The following FBH1 variants were observed in gnomAD, a reference collection of about 807,000 sequenced individuals.
FBH1 encodes DNA 3'-5' helicase 1.
A neutral mutation model predicts 115.5 loss-of-function variants in FBH1; 43 were observed. The observed-to-expected ratio is 0.37, with a 90% CI of 0.29 to 0.48. The LOEUF (loss-of-function observed/expected upper bound fraction) is 0.48. Ranked by LOEUF, FBH1 falls within the 20% of genes least tolerant of loss-of-function variation. FBH1 has a pLI of 0.99. For synonymous variants in FBH1, 524 were observed against 507.8 expected (o/e 1.03, Z -0.43); for missense variants, 1,001 against 1,337.3 (o/e 0.75, Z 3.92).
Position 5,925,228 on chromosome 10 carries a change from CT to C in FBH1, c.2597-136del. The C allele has an allele frequency of 2.0e-6, 2 of 1,009,990 alleles. No individual in the cohort carries two copies. Among genetic ancestry groups the C allele is most frequent in the Non-Finnish European group, 2.9e-6 (2 of 694,516 alleles). The allele number at this position is 1,009,990 out of a possible 1,614,324, so 62.6% of individuals were successfully genotyped here. A position where few individuals can be genotyped will look rare whatever the true frequency, so the allele number is the denominator to read the frequency against. ...TGTCTGTTCCCGACAGTTGTTTCCT[CT>C]TTCCCCCTTTTCCTACAAAACTGCA... On this transcript the variant is annotated intron_variant, in intron 17 of 20. Coordinates refer to ENST00000362091, the MANE Select transcript of FBH1 (RefSeq NM_178150.3). The surrounding 1 kb of genome is among the most constrained non-coding windows in gnomAD (Gnocchi z 4.6).
rs1843105411 is a variant in FBH1 at position 5,897,876 on chromosome 10, A to G, written c.2-5144A>G. Among the ~76,000 whole-genome samples, 1 of 147,608 alleles carries G rather than the reference A, an allele frequency of 6.8e-6. No homozygotes were observed. On this transcript the variant is annotated intron_variant, in intron 1 of 20. Transcript: ENST00000362091. The surrounding 1 kb of genome is among the most constrained non-coding windows in gnomAD (Gnocchi z 4.7). ...CAACAAGCATTTTGGATTCAGACGT[A>G]TTTTCTGAGATAAATACATAAATAA...
At chr10:5,904,143 A>G (rs749017348) in intron 2 of FBH1, among the ~76,000 whole-genome samples, 5 of 151,430 alleles carry the variant, frequency 3.3e-5, no homozygotes, top group Non-Finnish European at 7.4e-5. Flanking sequence ...TCTGCCTCCC[A>G]GCTCAGCCTC....
At position 5,915,652 on chromosome 10, in the gene FBH1, G is replaced by A. The variant is rs1177153871; in HGVS notation, c.1565+81G>A. On this transcript the variant is annotated intron_variant, in intron 9 of 20. Transcript: ENST00000362091. The surrounding 1 kb of genome is among the most constrained non-coding windows in gnomAD (Gnocchi z 5.2). ...GTTTTCCCGTGACGATCACATGTGA[G>A]CTTACACCACAGTGACCCCGAGGAG... is the stretch of plus-strand genomic sequence containing the variant. 8 of 1,344,888 alleles carry A rather than the reference G, an allele frequency of 5.9e-6. No individual in the cohort carries two copies. In the East Asian group the frequency reaches 1.2e-4, roughly 20 times the overall value. 83.3% of individuals were successfully genotyped at this position (1,344,888 alleles called of 1,614,324 possible).
intron 1 of FBH1, among the ~76,000 whole-genome samples, chr10:5,898,719 A>G (rs897692488): frequency 6.6e-6 from 1 of 152,160 alleles, no homozygotes; most frequent in Non-Finnish European, 1.5e-5. Flanking sequence ...CCAGAGCCCC[A>G]CCACTTCATA....
At position 5,927,538 on chromosome 10, in the gene FBH1, T is replaced by C. The variant is rs747931669; in HGVS notation, c.2826T>C (p.Ala942=). Residue 942 remains alanine, a synonymous_variant, in exon 19 of 21, where the codon GCT becomes GCC. Coordinates refer to ENST00000362091, the MANE Select transcript of FBH1 (RefSeq NM_178150.3). The stretch of plus-strand genomic sequence containing the variant: ...CATTGGAAAACATTTTGACTTTGGC[T>C]GGGGTAAGCAGAACGGGCAGCATGA... ...TKSLENILTL[A]GEYFLQAELT... is the part of the protein sequence containing the mutation. The C allele has an allele frequency of 6.2e-7, 1 of 1,612,300 alleles. No homozygotes were observed. The highest frequency in any genetic ancestry group is 1.1e-5 in the South Asian group (1 of 90,596).
intron 1 of FBH1, among the ~76,000 whole-genome samples, chr10:5,899,634 G>A (rs1843219567): frequency 6.6e-6 from 1 of 152,158 alleles, no homozygotes; most frequent in Non-Finnish European, 1.5e-5. Context: ...TTGCTGCCCG[G>A]AGTCCTGCAG....
At chr10:5,902,201 G>C (rs1281499395) in intron 1 of FBH1, among the ~76,000 whole-genome samples, 2 of 151,970 alleles carry the variant, frequency 1.3e-5, no homozygotes, top group Non-Finnish European at 2.9e-5. Flanking sequence ...CAAGGGGCTC[G>C]GGGGGCTGAG....
Position 5,932,036 on chromosome 10 carries a change from A to G in FBH1, c.2830-4420A>G, listed in dbSNP as rs1340810170. The stretch of plus-strand genomic sequence containing the variant: ...GTGGTGCATACCTGTAGCCCCAGCT[A>G]CTTAGGAGGCTGAGGTGGGAGAATC... On this transcript the variant is annotated intron_variant, in intron 19 of 20. Transcript: ENST00000362091. The surrounding 1 kb of genome is among the most constrained non-coding windows in gnomAD (Gnocchi z 5.9). Among the ~76,000 whole-genome samples, 1 of 152,164 alleles carries G rather than the reference A, an allele frequency of 6.6e-6. No homozygotes were observed. Among genetic ancestry groups the G allele is most frequent in the Admixed American group, 6.5e-5 (1 of 15,280 alleles).
At position 5,903,239 on chromosome 10, in the gene FBH1, C is replaced by T; in HGVS notation, c.157+64C>T. ...AGTGTGTGGGTCCTTTGACTATCTC[C>T]TAGTTTAAAAGTATTTGTAAATGTT... On this transcript the variant is annotated intron_variant, in intron 2 of 20. Coordinates refer to ENST00000362091, the MANE Select transcript of FBH1 (RefSeq NM_178150.3). 6 of 1,312,034 alleles carry T rather than the reference C, an allele frequency of 4.6e-6. No individual in the cohort carries two copies. The Middle Eastern group carries it at 7.0e-4, about 152-fold the overall frequency. The allele number at this position is 1,312,034 out of a possible 1,614,324, so 81.3% of individuals were successfully genotyped here.
chr10:5,895,143 A>G lies in FBH1; in HGVS notation c.1+4797A>G. 1 of 1,614,014 alleles carries G rather than the reference A, an allele frequency of 6.2e-7. No homozygotes were observed. Among genetic ancestry groups the G allele is most frequent in the South Asian group, 1.1e-5 (1 of 91,064 alleles). On this transcript the variant is annotated intron_variant, in intron 1 of 20. Coordinates refer to ENST00000362091, the MANE Select transcript of FBH1 (RefSeq NM_178150.3). This position sits in a 1 kb window ranked among gnomAD's most constrained non-coding sequence, Gnocchi z 5.0. Reference sequence around the variant, plus strand: ...CTGGGCCATCTCCACAGGAGATGCCAGAGGACGAGTGCCCACTTGCTGGTC... The same window carrying G: ...CTGGGCCATCTCCACAGGAGATGCCGGAGGACGAGTGCCCACTTGCTGGTC...
At position 5,915,482 on chromosome 10, in the gene FBH1, G is replaced by A. The variant is rs150757481; in HGVS notation, c.1476G>A (p.Lys492=). The A allele has an allele frequency of 2.7e-4, 437 of 1,614,092 alleles. 3 individuals are homozygous for A. The highest frequency in any genetic ancestry group is 3.2e-4 in the Non-Finnish European group (377 of 1,180,056). ...QSRFLYVTFN[K]SIAKQAERVF... Reference sequence around the variant, plus strand: ...GGTTTCTGTATGTGACATTCAACAAGAGCATCGCAAAGCAGGCCGAACGCG... The same window carrying A: ...GGTTTCTGTATGTGACATTCAACAAAAGCATCGCAAAGCAGGCCGAACGCG... Residue 492 remains lysine, a synonymous_variant, in exon 9 of 21, where the codon AAG becomes AAA. Coordinates refer to ENST00000362091, the MANE Select transcript of FBH1 (RefSeq NM_178150.3). The surrounding 1 kb of genome is among the most constrained non-coding windows in gnomAD (Gnocchi z 5.2).
intron 1 of FBH1, among the ~76,000 whole-genome samples, chr10:5,891,805 T>C (rs1046616609): frequency 4.3e-4 from 65 of 152,116 alleles, no homozygotes; most frequent in African/African-American, 1.5e-3. Flanking sequence ...AGAGACGGGG[T>C]TTCACCATGT....
At chr10:5,904,915 A>T (rs1401081893) in intron 2 of FBH1, among the ~76,000 whole-genome samples, 3 of 152,188 alleles carry the variant, frequency 2.0e-5, no homozygotes, top group Non-Finnish European at 4.4e-5. Flanking sequence ...ACCGAGTTTC[A>T]GTCCATTCTC....
Position 5,914,254 on chromosome 10 carries a change from A to G in FBH1, c.1381A>G (p.Ile461Val), listed in dbSNP as rs1831788021. 1 of 1,614,110 alleles carries G rather than the reference A, an allele frequency of 6.2e-7. No individual in the cohort carries two copies. Among genetic ancestry groups the G allele is most frequent in the Admixed American group, 1.7e-5 (1 of 60,014 alleles). The stretch of plus-strand genomic sequence containing the variant: ...GATGGAACCTCTCCAGGTGGTGAAA[A>G]TTATGGCCTTTGCCGGTAAGGGAGC... ...HKMEPLQVVKIMAFAGTGKTS... is the reference protein window; with the variant it reads ...HKMEPLQVVKVMAFAGTGKTS... Residue 461 changes from isoleucine to valine, a missense_variant, in exon 8 of 21, where the codon ATT becomes GTT. Transcript: ENST00000362091. This position sits in a 1 kb window ranked among gnomAD's most constrained non-coding sequence, Gnocchi z 5.2.
Position 5,911,211 on chromosome 10 carries a change from G to T in FBH1, c.1211+83G>T, listed in dbSNP as rs1030430324. The stretch of plus-strand genomic sequence containing the variant: ...GCAGCAGGTCCAGCCCTGCCACTTA[G>T]CAGTGTTAGCACCTGGCAGGCTGTG... On this transcript the variant is annotated intron_variant, in intron 6 of 20. Coordinates refer to ENST00000362091, the MANE Select transcript of FBH1 (RefSeq NM_178150.3). The surrounding 1 kb of genome is among the most constrained non-coding windows in gnomAD (Gnocchi z 5.4). 12 of 1,377,636 alleles carry T rather than the reference G, an allele frequency of 8.7e-6. No homozygotes were observed. The African/African-American group carries it at 1.7e-4, about 20-fold the overall frequency. The allele number at this position is 1,377,636 out of a possible 1,614,324, so 85.3% of individuals were successfully genotyped here.
chr10:5,889,694 C>A (rs1036452304), upstream of FBH1: 2 of 170,664 alleles, frequency 1.2e-5, no homozygotes, highest in Non-Finnish European at 2.5e-5. Context: ...CGCTGGCGTC[C>A]GCCGTCCTGG....
chr10:5,890,425 CG>C (rs1416749934), intron 1 of FBH1, 79 bp downstream of exon 1: 11 of 343,642 alleles, frequency 3.2e-5, no homozygotes, highest in Non-Finnish European at 5.0e-5. Flanking sequence ...GGGTCCTGCG[CG>C]GGGGGTCCGG....
In FBH1 at chr10:5,932,744, G is replaced by A. The variant is rs1833033905; in HGVS notation, c.2830-3712G>A. Reference sequence around the variant, plus strand: ...TGTTTTGTTTTGTTTTTGAGACAAGGCCTGGCTCTGTCACCCAGGCTGGAA... The same window carrying A: ...TGTTTTGTTTTGTTTTTGAGACAAGACCTGGCTCTGTCACCCAGGCTGGAA... On this transcript the variant is annotated intron_variant, in intron 19 of 20. Transcript: ENST00000362091. This position sits in a 1 kb window ranked among gnomAD's most constrained non-coding sequence, Gnocchi z 5.9. Among the ~76,000 whole-genome samples, 1 of 152,078 alleles carries A rather than the reference G, an allele frequency of 6.6e-6. No homozygotes were observed. Among genetic ancestry groups the A allele is most frequent in the African/African-American group, 2.4e-5 (1 of 41,428 alleles).
rs1385016696 is a variant in FBH1 at position 5,908,913 on chromosome 10, T to A, written c.754-12T>A. ...TGCCTCATGTTATTTTGTTTGTTTT[T>A]TAACTGCATAGTTCATTCCTTGGAA... On this transcript the variant is annotated splice_polypyrimidine_tract_variant and intron_variant, in intron 3 of 20. Coordinates refer to ENST00000362091, the MANE Select transcript of FBH1 (RefSeq NM_178150.3). The A allele has an allele frequency of 1.2e-6, 2 of 1,613,706 alleles. No individual in the cohort carries two copies. Among genetic ancestry groups the A allele is most frequent in the South Asian group, 1.1e-5 (1 of 91,084 alleles).
Sources: allele counts gnomAD v4.1 joint callset (sites outside exome capture counted in the v4.1 genomes callset), GRCh38; gene constraint gnomAD v4.1.1; non-coding constraint Gnocchi (gnomAD v3.1); transcripts MANE v1.5; gene names NCBI Gene and HGNC (gene_info 2026-07-23, HGNC 2026-07-21).